SNX11: variants seen among roughly 807,000 people sequenced by gnomAD.
The protein encoded by SNX11 is sorting nexin 11, also known as sorting nexin-11.
In SNX11, 19 loss-of-function variants were observed where a neutral mutation model predicts 30.7. That is an observed-to-expected ratio of 0.62 (90% CI 0.43 to 0.91). SNX11 has a LOEUF of 0.91. Among genes scored for constraint, SNX11 ranks in the 40% least tolerant of loss-of-function variants. The pLI is 0.00. For synonymous variants in SNX11, 112 were observed against 119.0 expected (o/e 0.94, Z 0.38); for missense variants, 302 against 326.7 (o/e 0.92, Z 0.58).
chr17:48,119,066 A>C lies in SNX11; in HGVS notation c.419A>C (p.Gln140Pro). ...GTGCCTGAGATAGAAGCCTGTGTCCAGGGCCGAAGTACCATGACTGTGTCT... is the reference window on the plus strand; with the variant it reads ...GTGCCTGAGATAGAAGCCTGTGTCCCGGGCCGAAGTACCATGACTGTGTCT... ...LSVPEIEACVQGRSTMTVSDA... is the reference protein window; with the variant it reads ...LSVPEIEACVPGRSTMTVSDA... The change falls in exon 6 of 7, where the codon CAG becomes CCG. Residue 140 changes from glutamine (Q) to proline (P), a missense_variant. Gln to Pro is a moderately conservative substitution (Grantham distance 76). Transcript: ENST00000359238. 1 of 1,614,166 alleles carries C rather than the reference A, an allele frequency of 6.2e-7. No homozygotes were observed. Among genetic ancestry groups the C allele is most frequent in the East Asian group, 2.2e-5 (1 of 44,884 alleles).
chr17:48,123,421 CA>C lies in SNX11; in HGVS notation c.*1920del, dbSNP rs11404662. On this transcript the variant is annotated 3_prime_UTR_variant, in exon 7 of 7. Transcript: ENST00000359238. ...GGTCTGTGTCAATTCCCTACTCAGC[CA>C]AAAAAACAGCAAGCTGGGTTGGCCT... 6.6e-6 allele frequency among the ~76,000 whole-genome samples: 1 copy of C among 151,634 alleles called. No homozygotes were observed. Among genetic ancestry groups the C allele is most frequent in the East Asian group, 1.9e-4 (1 of 5,154 alleles).
intron 4 of SNX11, among the ~76,000 whole-genome samples, chr17:48,116,006 G>A (rs1321080089): frequency 6.8e-6 from 1 of 147,330 alleles, no homozygotes; most frequent in East Asian, 2.0e-4. Flanking sequence ...GGTGGCTCAC[G>A]CCCAGCACTT....
At chr17:48,117,967 C>G (rs1428797405) in intron 4 of SNX11, among the ~76,000 whole-genome samples, 5 of 152,060 alleles carry the variant, frequency 3.3e-5, no homozygotes, top group African/African-American at 1.2e-4. Context: ...GCGAGCTATG[C>G]TCACGTTTAT....
chr17:48,108,828 A>T (rs1188068456), intron 1 of SNX11, among the ~76,000 whole-genome samples: 1 of 152,202 alleles, frequency 6.6e-6, no homozygotes, highest in East Asian at 1.9e-4. Context: ...GGCAGAACTG[A>T]GCTTTTTCTT....
At chr17:48,117,818 CAG>C (rs1677912127) in intron 4 of SNX11, among the ~76,000 whole-genome samples, 1 of 152,102 alleles carries the variant, frequency 6.6e-6, no homozygotes, top group Non-Finnish European at 1.5e-5. Flanking sequence ...GCCTGGGCAA[CAG>C]AGCAATACTG....
chr17:48,119,267 G>A (rs1366141341), intron 6 of SNX11, 81 bp downstream of exon 6: 1 of 1,093,184 alleles, frequency 9.1e-7, no homozygotes, highest in African/African-American at 1.5e-5. Context: ...GTTAGGGAAA[G>A]TAATGTCATA....
intron 4 of SNX11, among the ~76,000 whole-genome samples, chr17:48,117,536 C>T (rs1271885317): frequency 1.3e-5 from 2 of 151,408 alleles, no homozygotes; most frequent in South Asian, 2.1e-4. Context: ...GGATTACAGG[C>T]GTGAGCCACC....
chr17:48,111,938 G>T, intron 1 of SNX11, 93 bp from the exon 2 acceptor site: 2 of 955,698 alleles, frequency 2.1e-6, no homozygotes, highest in East Asian at 2.4e-5. Context: ...TCCCCACGGG[G>T]GTCTATTAAA....
chr17:48,121,460 T>G lies in SNX11; in HGVS notation c.765T>G (p.His255Gln), dbSNP rs1397452573. The G allele has an allele frequency of 6.2e-7, 1 of 1,613,982 alleles. No individual in the cohort carries two copies. Among genetic ancestry groups the G allele is most frequent in the Non-Finnish European group, 8.5e-7 (1 of 1,180,044 alleles). Reference sequence around the variant, plus strand: ...TGAGGAGGGCTGTGGGAGGAGATCATGCTGTGCCTTTGGACCCTGGTCAGT... The same window carrying G: ...TGAGGAGGGCTGTGGGAGGAGATCAGGCTGTGCCTTTGGACCCTGGTCAGT... The part of the protein sequence containing the change: ...QSVRRAVGGD[H>Q]AVPLDPGQLE... Residue 255 changes from histidine (H) to glutamine (Q), a missense_variant, in exon 7 of 7, where the codon CAT becomes CAG. By Grantham distance (24) the His-to-Gln change is conservative. Coordinates refer to ENST00000359238, the MANE Select transcript of SNX11 (RefSeq NM_013323.3).
At chr17:48,115,594 A>T (rs2063537436) in intron 4 of SNX11, among the ~76,000 whole-genome samples, 1 of 151,044 alleles carries the variant, frequency 6.6e-6, no homozygotes, top group African/African-American at 2.5e-5. Context: ...CATCCACTTC[A>T]CATGTAAAAA....
At position 48,112,644 on chromosome 17, in the gene SNX11, A is replaced by G; in HGVS notation, c.113A>G (p.Tyr38Cys). 1 of 1,612,174 alleles carries G rather than the reference A, an allele frequency of 6.2e-7. No individual in the cohort carries two copies. Among genetic ancestry groups the G allele is most frequent in the South Asian group, 1.1e-5 (1 of 91,054 alleles). ...GGCTCCTGGAACTCTTATGTGGATT[A>G]TAAGATATTCCTCCATGTGAGTACA... The part of the protein sequence containing the change: ...NEGSWNSYVD[Y>C]KIFLHTNSKA... The change falls in exon 3 of 7, where the codon TAT (tyrosine) becomes TGT (cysteine). Residue 38 changes from tyrosine (Y) to cysteine (C), a missense_variant. By Grantham distance (194) the Tyr-to-Cys change is radical. Coordinates refer to ENST00000359238, the MANE Select transcript of SNX11 (RefSeq NM_013323.3).
At position 48,118,986 on chromosome 17, in the gene SNX11, T is replaced by A; in HGVS notation, c.339T>A (p.Ser113Arg). 1.2e-6 allele frequency: 2 copies of A among 1,613,834 alleles called. No homozygotes were observed. Among genetic ancestry groups the A allele is most frequent in the East Asian group, 2.2e-5 (1 of 44,870 alleles). ...GTGTTTTTCCCAGGGTCCTGCAGAG[T>A]GTGGTTCTCCTGTCAGACAGCCAGT... is the stretch of plus-strand genomic sequence containing the variant. ...LQHFLEKVLQ[S>R]VVLLSDSQLH... Residue 113 changes from serine (S) to arginine (R), a missense_variant, in exon 6 of 7, where the codon AGT (serine) becomes AGA (arginine). By Grantham distance (110) the Ser-to-Arg change is moderately radical. Transcript: ENST00000359238.
intron 3 of SNX11, 67 bp downstream of exon 3, chr17:48,112,727 TA>T (rs2063503683): frequency 1.1e-6 from 1 of 930,286 alleles, no homozygotes; most frequent in Non-Finnish European, 1.6e-6. Flanking sequence ...TACTGAGGTG[TA>T]ACCTTTTTTT....
chr17:48,118,741 G>A lies in SNX11; in HGVS notation c.268G>A (p.Gly90Ser), dbSNP rs759343454. ...ACTTCCTGGGAAGTCAACCTTCTTC[G>A]GCACCTCAGATGAGTTCATTGAGAA... ...PELPGKSTFF[G>S]TSDEFIEKRR... The change falls in exon 5 of 7, where the codon GGC becomes AGC. Residue 90 changes from glycine (G) to serine (S), a missense_variant. Coordinates refer to ENST00000359238, the MANE Select transcript of SNX11 (RefSeq NM_013323.3). 2.5e-6 allele frequency: 4 copies of A among 1,613,922 alleles called. No homozygotes were observed. The highest frequency in any genetic ancestry group is 4.5e-5 in the East Asian group (2 of 44,864).
chr17:48,120,039 T>C (rs1362007842), intron 6 of SNX11, among the ~76,000 whole-genome samples: 1 of 152,162 alleles, frequency 6.6e-6, no homozygotes, highest in African/African-American at 2.4e-5. Flanking sequence ...ACTGGCTTTT[T>C]TCATCTAACA....
chr17:48,120,245 T>C (rs867256737), intron 6 of SNX11, among the ~76,000 whole-genome samples: 39 of 132,322 alleles, frequency 2.9e-4, no homozygotes, highest in South Asian at 2.0e-3. Context: ...CTTGCTCTGT[T>C]ACCCAGGCTG....
At position 48,121,276 on chromosome 17, in the gene SNX11, C is replaced by A; in HGVS notation, c.581C>A (p.Ser194Ter). ...LPRSGRRSSP[S>*]PPPSEEKDHL... ...AGATCGGGTAGGAGGAGCTCTCCCT[C>A]ACCGCCTCCCAGTGAAGAAAAGGAC... The change falls in exon 7 of 7, where the codon TCA (serine) becomes TAA (stop). Residue 194 changes from serine (S) to a stop codon, truncating the protein, a stop_gained. Transcript: ENST00000359238. LOFTEE classifies it low-confidence loss of function (END_TRUNC). 1 of 1,614,198 alleles carries A rather than the reference C, an allele frequency of 6.2e-7. No homozygotes were observed. The highest frequency in any genetic ancestry group is 2.2e-5 in the East Asian group (1 of 44,886).
intron 1 of SNX11, 26 bp from the exon 2 acceptor site, chr17:48,112,005 A>T (rs746019694): frequency 1.3e-6 from 2 of 1,583,928 alleles, no homozygotes; most frequent in South Asian, 2.2e-5. Context: ...ACTAACCTTG[A>T]TCCTGTATCC....
rs767737801 is a variant in SNX11, at chr17:48,119,175, C to A, written c.528C>A (p.Asp176Glu). The A allele has an allele frequency of 1.2e-6, 2 of 1,613,308 alleles. No individual in the cohort carries two copies. The highest frequency in any genetic ancestry group is 1.7e-6 in the Non-Finnish European group (2 of 1,179,622). Residue 176 changes from aspartate to glutamate, a missense_variant, in exon 6 of 7, where the codon GAC becomes GAA. Transcript: ENST00000359238. ...RQSSSHLAKG[D>E]QPKSCCFLPR... is the part of the protein sequence containing the mutation. ...GCTCTTCTCACCTGGCTAAAGGAGA[C>A]CAGCCTAAGAGGTAACTGGAGTACT... is the stretch of plus-strand genomic sequence containing the variant.
Sources: allele counts gnomAD v4.1 joint callset (sites outside exome capture counted in the v4.1 genomes callset), GRCh38; gene constraint gnomAD v4.1.1; transcripts MANE v1.5; gene names NCBI Gene and HGNC (gene_info 2026-07-23, HGNC 2026-07-21).